The following SDC2 variants were observed in gnomAD, a reference collection of about 807,000 sequenced individuals.
SDC2 encodes syndecan 2.
SDC2 carries 13 observed loss-of-function variants against 22.2 expected under a neutral mutation model. That is an observed-to-expected ratio of 0.59 (90% confidence interval 0.38 to 0.93). SDC2 has a LOEUF of 0.93. Among genes scored for constraint, SDC2 ranks in the 40% least tolerant of loss-of-function variants. The pLI is 0.00. For missense variants in SDC2, 235 were observed against 246.8 expected, an observed-to-expected ratio of 0.95 and a Z score of 0.32; for synonymous variants, 94 against 92.8, an observed-to-expected ratio of 1.01 and a Z score of -0.07.
chr8:96,576,931 G>A (rs1391561877), intron 1 of SDC2, among the ~76,000 whole-genome samples: 2 of 152,208 alleles, frequency 1.3e-5, no homozygotes, highest in Non-Finnish European at 1.5e-5. Context: ...GTATTGAGAT[G>A]TAGTAGACTT....
chr8:96,507,945 C>T (rs1813266800), intron 1 of SDC2, among the ~76,000 whole-genome samples: 1 of 151,898 alleles, frequency 6.6e-6, no homozygotes, highest in Admixed American at 6.6e-5. Context: ...GGGTGGATCA[C>T]GAGGTCAGGA....
chr8:96,517,650 G>A (rs1223988729), intron 1 of SDC2, among the ~76,000 whole-genome samples: 1 of 151,722 alleles, frequency 6.6e-6, no homozygotes, highest in Non-Finnish European at 1.5e-5. Context: ...TAAATGTAGG[G>A]GTTTATTTCT....
intron 1 of SDC2, among the ~76,000 whole-genome samples, chr8:96,505,267 T>G (rs1205233905): frequency 6.6e-6 from 1 of 152,200 alleles, no homozygotes; most frequent in Non-Finnish European, 1.5e-5. Flanking sequence ...ATTAAAATAC[T>G]TAAAGAAGGT....
intron 2 of SDC2, 114 bp from the exon 3 acceptor site, chr8:96,602,281 A>G (rs1410720248): frequency 4.6e-6 from 5 of 1,095,070 alleles, no homozygotes; most frequent in Non-Finnish European, 5.3e-6. Flanking sequence ...TTAAAGAGCC[A>G]GCATTTTGAA....
chr8:96,595,783 A>T (rs567571266), intron 2 of SDC2, among the ~76,000 whole-genome samples: 1 of 152,326 alleles, frequency 6.6e-6, no homozygotes, highest in East Asian at 1.9e-4. Flanking sequence ...CAACCTCTAC[A>T]GACCCCCTGC....
At chr8:96,514,736 C>G (rs1813376594) in intron 1 of SDC2, among the ~76,000 whole-genome samples, 2 of 152,100 alleles carry the variant, frequency 1.3e-5, no homozygotes, top group Admixed American at 6.5e-5. Context: ...AAGGAGTGTG[C>G]AAACTAGATT....
chr8:96,536,928 A>G (rs1250831229), intron 1 of SDC2, among the ~76,000 whole-genome samples: 1 of 152,234 alleles, frequency 6.6e-6, no homozygotes. Flanking sequence ...ATCAGACTTC[A>G]GGTCCCCCAT....
chr8:96,552,774 G>C (rs1311731496), intron 1 of SDC2, among the ~76,000 whole-genome samples: 1 of 152,146 alleles, frequency 6.6e-6, no homozygotes, highest in African/African-American at 2.4e-5. Context: ...CTTTAAAATT[G>C]TTGAGTGTAT....
At chr8:96,508,522 T>TATAAATTGGCTATG (rs1813284242) in intron 1 of SDC2, among the ~76,000 whole-genome samples, 1 of 97,240 alleles carries the variant, frequency 1.0e-5, no homozygotes, top group Non-Finnish European at 2.7e-5. Flanking sequence ...ATTATTGGTT[T>TATAAATTGGCTATG]ATAAATTTTA....
chr8:96,520,837 A>C (rs1813485632), intron 1 of SDC2, among the ~76,000 whole-genome samples: 1 of 152,066 alleles, frequency 6.6e-6, no homozygotes, highest in Admixed American at 6.5e-5. Flanking sequence ...CCCCTGGGGG[A>C]ACCTCAGGGC....
At chr8:96,510,617 A>G (rs190432843) in intron 1 of SDC2, among the ~76,000 whole-genome samples, 51 of 152,318 alleles carry the variant, frequency 3.3e-4, no homozygotes, top group African/African-American at 1.2e-3. Context: ...GCAGGATAAC[A>G]TTACAATGCT....
chr8:96,496,385 A>G (rs569893734), intron 1 of SDC2, among the ~76,000 whole-genome samples: 6 of 152,310 alleles, frequency 3.9e-5, no homozygotes, highest in Middle Eastern at 3.4e-3. Context: ...GTTTTCAGTA[A>G]TTGGAAAATC....
chr8:96,495,693 G>A (rs1178289288), intron 1 of SDC2, among the ~76,000 whole-genome samples: 1 of 151,964 alleles, frequency 6.6e-6, no homozygotes, highest in African/African-American at 2.4e-5. Flanking sequence ...TTTGTGCTGA[G>A]GCTAATTTAG....
At chr8:96,522,778 A>G (rs1227198461) in intron 1 of SDC2, among the ~76,000 whole-genome samples, 5 of 152,268 alleles carry the variant, frequency 3.3e-5, no homozygotes, top group Admixed American at 3.3e-4. Flanking sequence ...AGAACAAGAT[A>G]GAGCAGTTTC....
chr8:96,545,573 T>C (rs1252734408), intron 1 of SDC2, among the ~76,000 whole-genome samples: 3 of 152,140 alleles, frequency 2.0e-5, no homozygotes, highest in Non-Finnish European at 2.9e-5. Flanking sequence ...GCACGTAATA[T>C]TAGGAGAGAA....
At chr8:96,563,974 C>T (rs1814253702) in intron 1 of SDC2, among the ~76,000 whole-genome samples, 1 of 152,176 alleles carries the variant, frequency 6.6e-6, no homozygotes, top group Admixed American at 6.5e-5. Flanking sequence ...GGCCCTACAG[C>T]CAGTCAGCTG....
intron 1 of SDC2, among the ~76,000 whole-genome samples, chr8:96,582,010 T>G (rs1031749167): frequency 6.6e-6 from 1 of 152,206 alleles, no homozygotes; most frequent in Non-Finnish European, 1.5e-5. Flanking sequence ...GTGAAGCATG[T>G]CAGTTTGACC....
chr8:96,603,863 A>G lies in SDC2; in HGVS notation c.306+1335A>G, dbSNP rs536529950. 1.4e-3 allele frequency among the ~76,000 whole-genome samples: 207 copies of G among 152,342 alleles called. 1 individual carries two copies. Among genetic ancestry groups the G allele is most frequent in the Non-Finnish European group, 2.4e-3 (161 of 68,034 alleles). ...GCGGTAGGAAGGCAGGGAGAGCCCT[A>G]TGAGAACTGAGACCGACTCACCTGG... On this transcript the variant is annotated intron_variant, in intron 3 of 4. Coordinates refer to ENST00000302190, the MANE Select transcript of SDC2 (RefSeq NM_002998.4).
chr8:96,528,787 T>C (rs1813617659), intron 1 of SDC2, among the ~76,000 whole-genome samples: 3 of 152,204 alleles, frequency 2.0e-5, no homozygotes, highest in South Asian at 4.1e-4. Context: ...TGGAAAAATA[T>C]GCCCTGTGAA....
Sources: allele counts gnomAD v4.1 joint callset (sites outside exome capture counted in the v4.1 genomes callset), GRCh38; gene constraint gnomAD v4.1.1; transcripts MANE v1.5; gene names NCBI Gene and HGNC (gene_info 2026-07-23, HGNC 2026-07-21).